Variants in COL5A1 observed in about 807,000 individuals in gnomAD.
COL5A1 encodes the protein collagen alpha-1(V) chain.
Under a neutral mutation model 263.7 loss-of-function variants are expected in COL5A1, and 16 were observed. That is an observed-to-expected ratio of 0.06 (90% CI 0.04 to 0.09). The LOEUF is 0.09. Ranked by LOEUF, COL5A1 falls within the 10% of genes least tolerant of loss-of-function variation. The pLI, the probability that COL5A1 is intolerant of heterozygous loss-of-function variation, is 1.00. For synonymous variants in COL5A1, 1,012 were observed against 1,004.5 expected (o/e 1.01, Z -0.14); for missense variants, 2,036 against 2,540.5 (o/e 0.80, Z 4.27).
At chr9:134,838,952 C>T (rs1033898402) in intron 65 of COL5A1, among the ~76,000 whole-genome samples, 1 of 152,196 alleles carries the variant, frequency 6.6e-6, no homozygotes, top group Non-Finnish European at 1.5e-5. Flanking sequence ...GCCCTGCTGA[C>T]CCCAGTCCCT....
In COL5A1 at chr9:134,692,031, C is replaced by G. The variant is rs141191899; in HGVS notation, c.277+952C>G. Among the ~76,000 whole-genome samples, 798 of 152,352 alleles carry G rather than the reference C, an allele frequency of 5.2e-3. 1 individual carries two copies. The highest frequency in any genetic ancestry group is 9.3e-3 in the Admixed American group (142 of 15,308). On this transcript the variant is annotated intron_variant, in intron 2 of 65. Coordinates refer to ENST00000371817, the MANE Select transcript of COL5A1 (RefSeq NM_000093.5). The stretch of plus-strand genomic sequence containing the variant: ...CTGTTTCTGCTTCCACAGACGTGCT[C>G]TCTGTACACTCATCCCCAGCCATTG...
At position 134,815,892 on chromosome 9, in the gene COL5A1, T is replaced by A. The variant is rs200969184; in HGVS notation, c.4069-43T>A. 913 of 1,610,992 alleles carry A rather than the reference T, an allele frequency of 5.7e-4. 4 individuals carry two copies. The African/African-American group carries it at 0.01, about 18-fold the overall frequency. On this transcript the variant is annotated intron_variant, in intron 51 of 65. Transcript: ENST00000371817. Reference sequence around the variant, plus strand: ...TGGGAACTGGTGCATGAACTCAGGGTGCCATCCGGGGTTCAGCAAGGAGCT... The same window carrying A: ...TGGGAACTGGTGCATGAACTCAGGGAGCCATCCGGGGTTCAGCAAGGAGCT...
Position 134,700,239 on chromosome 9 carries a change from C to A in COL5A1, c.491+117C>A. 1 of 941,878 alleles carries A rather than the reference C, an allele frequency of 1.1e-6. No individual in the cohort carries two copies. Among genetic ancestry groups the A allele is most frequent in the Non-Finnish European group, 1.6e-6 (1 of 620,096 alleles). The allele number at this position is 941,878 out of a possible 1,614,324, so 58.3% of individuals were successfully genotyped here. A position where few individuals can be genotyped will look rare whatever the true frequency, so the allele number is the denominator to read the frequency against. On this transcript the variant is annotated intron_variant, in intron 3 of 65. Transcript: ENST00000371817. The surrounding 1 kb of genome is among the most constrained non-coding windows in gnomAD (Gnocchi z 4.0). ...CGTGCAGCAGCCGGTACTGAGACTC[C>A]CACAGACGCCGCAGCAGAGGAGAGG...
chr9:134,732,136 A>G lies in COL5A1; in HGVS notation c.1389+9A>G, dbSNP rs373782635. The G allele has an allele frequency of 3.7e-6, 6 of 1,614,034 alleles. No individual in the cohort carries two copies. Among genetic ancestry groups the G allele is most frequent in the South Asian group, 1.1e-5 (1 of 91,088 alleles). On this transcript the variant is annotated intron_variant, in intron 9 of 65. Transcript: ENST00000371817. Reference sequence around the variant, plus strand: ...CAGCGATTATCGAGCCGGTGAGGACATTTTCTCATTCCCTCCCTGCGCCGG... The same window carrying G: ...CAGCGATTATCGAGCCGGTGAGGACGTTTTCTCATTCCCTCCCTGCGCCGG...
At chr9:134,703,087 T>C (rs1588451977) in intron 4 of COL5A1, among the ~76,000 whole-genome samples, 1 of 152,362 alleles carries the variant, frequency 6.6e-6, no homozygotes, top group East Asian at 1.9e-4. Context: ...ATGGGCCTGT[T>C]AGAAGAAGGC....
intron 27 of COL5A1, among the ~76,000 whole-genome samples, chr9:134,776,090 C>T (rs968012530): frequency 5.9e-5 from 9 of 152,118 alleles, no homozygotes; most frequent in African/African-American, 1.9e-4. Context: ...CCGGAGGCCC[C>T]GACTTCCATT....
chr9:134,642,549 C>T lies in COL5A1; in HGVS notation c.109+253C>T, dbSNP rs1043208782. Among the ~76,000 whole-genome samples the T allele has an allele frequency of 1.5e-4, 23 of 152,248 alleles. No homozygotes were observed. In the East Asian group the frequency reaches 1.9e-3, roughly 13 times the overall value. On this transcript the variant is annotated intron_variant, in intron 1 of 65. Transcript: ENST00000371817. This position sits in a 1 kb window ranked among gnomAD's most constrained non-coding sequence, Gnocchi z 4.5. ...GGCTGTCGCGCGAGCCGAGGAAGGACCGAGGGCTGGATCAGCAGGAGGGGT... is the reference window on the plus strand; with the variant it reads ...GGCTGTCGCGCGAGCCGAGGAAGGATCGAGGGCTGGATCAGCAGGAGGGGT...
At chr9:134,658,676 C>T (rs1208879135) in intron 1 of COL5A1, among the ~76,000 whole-genome samples, 1 of 152,144 alleles carries the variant, frequency 6.6e-6, no homozygotes, top group Non-Finnish European at 1.5e-5. Context: ...CGACGCCCCT[C>T]TTGTACCCTG....
intron 31 of COL5A1, among the ~76,000 whole-genome samples, chr9:134,788,187 T>C (rs1056637510): frequency 7.0e-6 from 1 of 142,624 alleles, no homozygotes; most frequent in Non-Finnish European, 1.5e-5. Context: ...GAGGGGTGGG[T>C]TTATAGGTAG....
chr9:134,691,893 C>G (rs1255095461), intron 2 of COL5A1: 1 of 152,164 alleles, frequency 6.6e-6, no homozygotes, highest in Non-Finnish European at 1.5e-5. Context: ...TTTGGTGGAC[C>G]TGGAGGTGAC....
chr9:134,712,431 G>A (rs1372806509), intron 4 of COL5A1, among the ~76,000 whole-genome samples: 1 of 103,914 alleles, frequency 9.6e-6, no homozygotes, highest in African/African-American at 3.9e-5. Context: ...ACTCCTTCCT[G>A]TTCCCCCTCC....
At chr9:134,661,901 C>T (rs896560905) in intron 1 of COL5A1, among the ~76,000 whole-genome samples, 3 of 152,112 alleles carry the variant, frequency 2.0e-5, no homozygotes, top group Admixed American at 2.0e-4. Context: ...CTCTAGGATG[C>T]TAAGGCGAGT....
chr9:134,673,469 A>AG, intron 1 of COL5A1, among the ~76,000 whole-genome samples: 1 of 152,180 alleles, frequency 6.6e-6, no homozygotes, highest in East Asian at 1.9e-4. Context: ...CAAAAAAAAA[A>AG]AAAAAAATGC....
At chr9:134,772,598 G>C (rs1836899710) in intron 25 of COL5A1, among the ~76,000 whole-genome samples, 192 bp from the exon 26 acceptor site, 1 of 152,222 alleles carries the variant, frequency 6.6e-6, no homozygotes, top group Non-Finnish European at 1.5e-5. Context: ...GAGGTTCAGG[G>C]CCTGGCGGCT....
intron 16 of COL5A1, among the ~76,000 whole-genome samples, chr9:134,756,214 G>A (rs1835967292): frequency 6.6e-6 from 1 of 152,162 alleles, no homozygotes; most frequent in Admixed American, 6.5e-5. Context: ...TCAGGAACAG[G>A]GCATCTGCTC....
intron 20 of COL5A1, among the ~76,000 whole-genome samples, chr9:134,764,714 G>A (rs917852907): frequency 2.6e-5 from 4 of 152,054 alleles, no homozygotes; most frequent in South Asian, 4.1e-4. Context: ...GGCAGGGGTC[G>A]GTGCCTGCAG....
At chr9:134,648,415 C>T (rs1314671437) in intron 1 of COL5A1, among the ~76,000 whole-genome samples, 2 of 151,882 alleles carry the variant, frequency 1.3e-5, no homozygotes, top group East Asian at 3.9e-4. Flanking sequence ...CTGCAGCCAC[C>T]AGGACATGGC....
intron 1 of COL5A1, among the ~76,000 whole-genome samples, chr9:134,679,680 G>T: frequency 8.4e-6 from 1 of 119,104 alleles, no homozygotes; most frequent in East Asian, 2.5e-4. Context: ...GGGGCTTCTT[G>T]GGGCACTGCG....
Position 134,758,444 on chromosome 9 carries a change from C to T in COL5A1, c.1935+148C>T, listed in dbSNP as rs934995034. 6.5e-6 allele frequency: 5 copies of T among 764,970 alleles called. No individual in the cohort carries two copies. 47.4% of individuals were successfully genotyped at this position (764,970 alleles called of 1,614,324 possible). ...GTCAGTATACAAACCTCACGGGAGT[C>T]AGCAATGGCAGTGAGCCCCAAGATG... On this transcript the variant is annotated intron_variant, in intron 18 of 65. Coordinates refer to ENST00000371817, the MANE Select transcript of COL5A1 (RefSeq NM_000093.5). This position sits in a 1 kb window ranked among gnomAD's most constrained non-coding sequence, Gnocchi z 4.1.
Sources: allele counts gnomAD v4.1 joint callset (sites outside exome capture counted in the v4.1 genomes callset), GRCh38; gene constraint gnomAD v4.1.1; non-coding constraint Gnocchi (gnomAD v3.1); transcripts MANE v1.5; gene names NCBI Gene and HGNC (gene_info 2026-07-23, HGNC 2026-07-21).